FAM227A: variants seen among roughly 807,000 people sequenced by gnomAD.
FAM227A encodes the protein protein FAM227A.
In FAM227A, 80 loss-of-function variants were observed where a neutral mutation model predicts 74.7. That is an observed-to-expected ratio of 1.07 (90% CI 0.89 to 1.29). FAM227A has a LOEUF of 1.29. FAM227A is among the 50% of genes most tolerant of loss of function. The pLI is 0.00. For synonymous variants in FAM227A, 237 were observed against 241.8 expected, an observed-to-expected ratio of 0.98 and a Z score of 0.19; for missense variants, 654 against 683.4, an observed-to-expected ratio of 0.96 and a Z score of 0.48.
At position 38,597,292 on chromosome 22, in the gene FAM227A, CTT is replaced by C. The variant is rs2091067160; in HGVS notation, c.1442_1443del (p.Lys481ArgfsTer13). 4 of 1,551,898 alleles carry C rather than the reference CTT, an allele frequency of 2.6e-6. No individual in the cohort carries two copies. The South Asian group carries it at 4.8e-5, about 18-fold the overall frequency. On this transcript the variant is annotated frameshift_variant, in exon 15 of 17. Transcript: ENST00000535113. LOFTEE classifies it high-confidence loss of function. ...TGCTGGTACAACTGATTGAGGTTGT[CTT>C]TCCGCTTCTTCATGCTGCACAGGGT... The part of the protein sequence containing the change: ...SETLCSMKKR[K>X]DNLNQLYQHH...
chr22:38,645,637 T>A lies in FAM227A; in HGVS notation c.151A>T (p.Ile51Phe). 1 of 1,550,402 alleles carries A rather than the reference T, an allele frequency of 6.4e-7. No homozygotes were observed. The highest frequency in any genetic ancestry group is 8.7e-7 in the Non-Finnish European group (1 of 1,146,206). The change falls in exon 3 of 17, where the codon ATT becomes TTT. Residue 51 changes from isoleucine (I) to phenylalanine (F), a missense_variant. Physicochemically the swap from Ile to Phe is conservative, Grantham distance 21. Coordinates refer to ENST00000535113, the MANE Select transcript of FAM227A (RefSeq NM_001013647.2). ...TGGTTCACCTGGTGCATGGAGCCAA[T>A]AAGGCATGCTGGGAGGTTAGTCTGC... Reference protein sequence around the residue: ...ELENNPPSCLIGSMHQVNQKI... With the variant: ...ELENNPPSCLFGSMHQVNQKI...
At chr22:38,646,634 C>G (rs1013009448) in intron 2 of FAM227A, among the ~76,000 whole-genome samples, 16 of 151,780 alleles carry the variant, frequency 1.1e-4, no homozygotes, top group African/African-American at 3.9e-4. Flanking sequence ...ACTCTGATTT[C>G]TCTTCCAGTC....
In FAM227A at chr22:38,639,638, G is replaced by A. The variant is rs1603047206; in HGVS notation, c.295+17C>T. On this transcript the variant is annotated intron_variant, in intron 4 of 16. Coordinates refer to ENST00000535113, the MANE Select transcript of FAM227A (RefSeq NM_001013647.2). ...ACCCCATGAAAAGAGCATCAAGGCT[G>A]AGGGAAAGGTTTTTGCCTTTGTCTT... is the stretch of plus-strand genomic sequence containing the variant. 1.3e-6 allele frequency: 2 copies of A among 1,551,308 alleles called. No homozygotes were observed. Among genetic ancestry groups the A allele is most frequent in the Non-Finnish European group, 1.7e-6 (2 of 1,146,550 alleles).
At chr22:38,608,993 A>G (rs1049523558) in intron 11 of FAM227A, among the ~76,000 whole-genome samples, 2 of 151,756 alleles carry the variant, frequency 1.3e-5, no homozygotes, top group Non-Finnish European at 2.9e-5. Context: ...AGGTTTCACC[A>G]TGTTGGCCAG....
intron 6 of FAM227A, among the ~76,000 whole-genome samples, chr22:38,632,251 T>C (rs189847564): frequency 1.2e-3 from 187 of 152,282 alleles, no homozygotes; most frequent in Non-Finnish European, 2.1e-3. Flanking sequence ...ATATGATTGC[T>C]ATGGTCTGAA....
Position 38,581,898 on chromosome 22 carries a change from A to T in FAM227A, c.*4227T>A, listed in dbSNP as rs537559561. 1 of 163,598 alleles carries T rather than the reference A, an allele frequency of 6.1e-6. No homozygotes were observed. The highest frequency in any genetic ancestry group is 1.3e-5 in the Non-Finnish European group (1 of 75,866). The allele number at this position is 163,598 out of a possible 1,614,324, so 10.1% of individuals were successfully genotyped here. ...GCTAGGACTATAGGTATGCACTACC[A>T]CATCGGACTAATTTTTTATGTTTTT... is the stretch of plus-strand genomic sequence containing the variant. On this transcript the variant is annotated 3_prime_UTR_variant, in exon 17 of 17. Transcript: ENST00000535113.
At chr22:38,621,038 A>T (rs1177594507) in intron 10 of FAM227A, among the ~76,000 whole-genome samples, 1 of 151,760 alleles carries the variant, frequency 6.6e-6, no homozygotes, top group Non-Finnish European at 1.5e-5. Flanking sequence ...CTTCACTTTG[A>T]AAAAACTCCC....
rs67498232 is a variant in FAM227A at position 38,626,865 on chromosome 22, C to CAAAAAAAA, written c.727-570_727-563dup. 8.2e-3 allele frequency among the ~76,000 whole-genome samples: 137 copies of CAAAAAAAA among 16,798 alleles called. 38 individuals are homozygous for CAAAAAAAA. The highest frequency in any genetic ancestry group is 0.045 in the Middle Eastern group (1 of 22). 11.0% of individuals were successfully genotyped at this position (16,798 alleles called of 152,430 possible). A position where few individuals can be genotyped will look rare whatever the true frequency, so the allele number is the denominator to read the frequency against. ...CCTGGGCGACAGAGAGACTCTGTCT[C>CAAAAAAAA]AAAAAAAAAAAAAAAAAAAAAAAAA... is the stretch of plus-strand genomic sequence containing the variant. On this transcript the variant is annotated intron_variant, in intron 8 of 16. Transcript: ENST00000535113.
At chr22:38,587,457 G>A in intron 16 of FAM227A, among the ~76,000 whole-genome samples, 1 of 152,054 alleles carries the variant, frequency 6.6e-6, no homozygotes, top group African/African-American at 2.4e-5. Context: ...GAATACAAAT[G>A]CCAATAAATT....
intron 2 of FAM227A, among the ~76,000 whole-genome samples, chr22:38,646,245 T>TCTC (rs2092233555): frequency 7.5e-6 from 1 of 133,092 alleles, no homozygotes; most frequent in African/African-American, 3.0e-5. Flanking sequence ...CCTTCCAGTA[T>TCTC]TTCTTTTTTT....
In FAM227A at chr22:38,636,604, C is replaced by CA. The variant is rs1569230518; in HGVS notation, c.373-8dup. 1 of 1,549,956 alleles carries CA rather than the reference C, an allele frequency of 6.5e-7. No homozygotes were observed. On this transcript the variant is annotated splice_polypyrimidine_tract_variant and splice_region_variant and intron_variant, in intron 5 of 16. Transcript: ENST00000535113. The stretch of plus-strand genomic sequence containing the variant: ...GATTTTTATCTGCTGTTTTCTGAAG[C>CA]AAAAGAGCAGAATATGAAAATGGGG...
intron 11 of FAM227A, among the ~76,000 whole-genome samples, chr22:38,608,032 T>G (rs375380218): frequency 1.3e-5 from 2 of 151,242 alleles, no homozygotes; most frequent in Non-Finnish European, 2.9e-5. Context: ...CGATTTGTTA[T>G]AGAGAGGCAA....
At chr22:38,647,430 C>T (rs1270643675) in intron 2 of FAM227A, among the ~76,000 whole-genome samples, 1 of 152,010 alleles carries the variant, frequency 6.6e-6, no homozygotes, top group Non-Finnish European at 1.5e-5. Context: ...CGCCACTGCA[C>T]TCCAGCCTGA....
chr22:38,639,655 C>T lies in FAM227A; in HGVS notation c.295G>A (p.Val99Ile). The T allele has an allele frequency of 1.3e-6, 2 of 1,551,814 alleles. No individual in the cohort carries two copies. The highest frequency in any genetic ancestry group is 8.7e-7 in the Non-Finnish European group (1 of 1,147,002). ...TCAAGGCTGAGGGAAAGGTTTTTGC[C>T]TTTGTCTTCTGGACTGCTGCGAGTT... ...EKTRSSPEDKVKRQRKSQYSC... is the reference protein window; with the variant it reads ...EKTRSSPEDKIKRQRKSQYSC... Residue 99 changes from valine to isoleucine, a missense_variant and splice_region_variant, in exon 4 of 17, where the codon GTC (valine) becomes ATC (isoleucine). By Grantham distance (29) the Val-to-Ile change is conservative. Transcript: ENST00000535113.
At chr22:38,618,248 T>G (rs1481805774) in intron 11 of FAM227A, 1 of 152,202 alleles carries the variant, frequency 6.6e-6, no homozygotes, top group Admixed American at 6.5e-5. Context: ...AGAGCATAAA[T>G]TTTCCTTTGT....
chr22:38,648,359 G>C (rs922744663), intron 2 of FAM227A, among the ~76,000 whole-genome samples: 1 of 148,842 alleles, frequency 6.7e-6, no homozygotes, highest in African/African-American at 2.5e-5. Context: ...GTAATCCCAA[G>C]CACTTTGGGA....
At chr22:38,612,235 T>C (rs2091428108) in intron 11 of FAM227A, among the ~76,000 whole-genome samples, 1 of 152,214 alleles carries the variant, frequency 6.6e-6, no homozygotes, top group African/African-American at 2.4e-5. Flanking sequence ...CCTAATGTAA[T>C]GAATTATCAT....
chr22:38,643,785 C>T (rs952263508), intron 3 of FAM227A, among the ~76,000 whole-genome samples: 3 of 152,012 alleles, frequency 2.0e-5, no homozygotes, highest in Admixed American at 6.6e-5. Context: ...AACCATGGTA[C>T]GTTCAGACAA....
chr22:38,588,693 C>T (rs1344837212), intron 16 of FAM227A, among the ~76,000 whole-genome samples: 3 of 141,326 alleles, frequency 2.1e-5, no homozygotes, highest in East Asian at 2.1e-4. Flanking sequence ...GAGGCCGAGA[C>T]GGGTGGATCA....
Sources: gnomAD v4.1 joint callset for allele counts (sites outside exome capture counted in the v4.1 genomes callset) on GRCh38, gnomAD v4.1.1 for gene constraint, MANE v1.5 for transcripts, NCBI Gene and HGNC (gene_info 2026-07-23, HGNC 2026-07-21) for gene names.